Variants in RPS6KA2 observed in about 807,000 individuals in gnomAD.
RPS6KA2 encodes ribosomal protein S6 kinase A2.
RPS6KA2 carries 42 observed loss-of-function variants against 91.8 expected under a neutral mutation model. That is an observed-to-expected ratio of 0.46 (90% confidence interval 0.36 to 0.59). The LOEUF is 0.59. Among genes scored for constraint, RPS6KA2 ranks in the 20% least tolerant of loss-of-function variants. RPS6KA2 has a pLI of 0.00. For missense variants in RPS6KA2, 798 were observed against 978.5 expected, an observed-to-expected ratio of 0.82 and a Z score of 2.46; for synonymous variants, 414 against 393.6, an observed-to-expected ratio of 1.05 and a Z score of -0.61.
chr6:166,582,276 G>A (rs1014566058), intron 1 of RPS6KA2, among the ~76,000 whole-genome samples: 1 of 152,206 alleles, frequency 6.6e-6, no homozygotes, highest in Non-Finnish European at 1.5e-5. Flanking sequence ...CCGCTGAGCC[G>A]TCCATGGAGA....
chr6:166,635,682 G>T lies in RPS6KA2; in HGVS notation c.124-96898C>A, dbSNP rs563441259. The stretch of plus-strand genomic sequence containing the variant: ...TACCCCAGAAGAGGAGGAAGAGCCC[G>T]GGAGGCTTTGGCAGGAGGATGCCAT... On this transcript the variant is annotated intron_variant, in intron 2 of 21. Coordinates refer to the RPS6KA2 transcript ENST00000503859. This position sits in a 1 kb window ranked among gnomAD's most constrained non-coding sequence, Gnocchi z 4.8. Among the ~76,000 whole-genome samples the T allele has an allele frequency of 2.0e-5, 3 of 152,100 alleles. No individual in the cohort carries two copies. Among genetic ancestry groups the T allele is most frequent in the Non-Finnish European group, 2.9e-5 (2 of 68,012 alleles).
intron 2 of RPS6KA2, among the ~76,000 whole-genome samples, chr6:166,781,772 C>T (rs948554722): frequency 1.2e-4 from 18 of 152,180 alleles, no homozygotes; most frequent in Non-Finnish European, 1.2e-4. Flanking sequence ...AGGAGCCAGG[C>T]AGATGGAGAA....
intron 11 of RPS6KA2, among the ~76,000 whole-genome samples, chr6:166,462,470 T>TG (rs1408809007): frequency 2.0e-5 from 3 of 152,232 alleles, no homozygotes; most frequent in Non-Finnish European, 4.4e-5. Flanking sequence ...AGCCCAGCAC[T>TG]GGTACTGCTG....
At position 166,732,317 on chromosome 6, in the gene RPS6KA2, G is replaced by C. The variant is rs10946182; in HGVS notation, c.123+125883C>G. ...AAGTATGTCTTTCCATTGGGATGAA[G>C]CATTCTCAGAAATATCTCAGAAAAG... On this transcript the variant is annotated intron_variant, in intron 2 of 21. Transcript: ENST00000503859. The surrounding 1 kb of genome is among the most constrained non-coding windows in gnomAD (Gnocchi z 4.0). Among the ~76,000 whole-genome samples, 2,348 of 152,202 alleles carry C rather than the reference G, an allele frequency of 0.015. 54 individuals carry two copies. Among genetic ancestry groups the C allele is most frequent in the East Asian group, 0.099 (510 of 5,158 alleles).
intron 1 of RPS6KA2, among the ~76,000 whole-genome samples, chr6:166,556,193 C>A (rs1784172514): frequency 6.6e-6 from 1 of 152,196 alleles, no homozygotes; most frequent in African/African-American, 2.4e-5. Context: ...TCAGGTGGCT[C>A]TCTCCTGTGC....
intron 1 of RPS6KA2, among the ~76,000 whole-genome samples, chr6:166,569,783 C>A (rs901669930): frequency 5.3e-5 from 8 of 152,194 alleles, no homozygotes; most frequent in African/African-American, 1.2e-4. Flanking sequence ...TCAAAGGACA[C>A]CCCCCTCGGG....
At chr6:166,798,742 T>C (rs1779286775) in intron 2 of RPS6KA2, among the ~76,000 whole-genome samples, 1 of 152,240 alleles carries the variant, frequency 6.6e-6, no homozygotes, top group African/African-American at 2.4e-5. Flanking sequence ...GGCCAATCCC[T>C]TTCCCAGACC....
intron 17 of RPS6KA2, among the ~76,000 whole-genome samples, chr6:166,420,262 T>C (rs1371987036): frequency 6.6e-6 from 1 of 152,208 alleles, no homozygotes; most frequent in South Asian, 2.1e-4. Context: ...ATGTATGACA[T>C]AAAATTGACC....
rs565322578 is a variant in RPS6KA2, at chr6:166,745,300, T to C, written c.123+112900A>G. Among the ~76,000 whole-genome samples the C allele has an allele frequency of 3.2e-3, 483 of 152,174 alleles. 3 individuals carry two copies. The highest frequency in any genetic ancestry group is 0.019 in the South Asian group (92 of 4,818). On this transcript the variant is annotated intron_variant, in intron 2 of 21. Coordinates refer to the RPS6KA2 transcript ENST00000503859. ...CTGAGTAGCTGGGATTTCAGGTGTG[T>C]GCCACCATGCCTGGCTAATTTTTGT...
chr6:166,775,664 G>A (rs544413862), intron 2 of RPS6KA2, among the ~76,000 whole-genome samples: 14 of 152,216 alleles, frequency 9.2e-5, no homozygotes, highest in Admixed American at 7.2e-4. Flanking sequence ...GCTACCTGAG[G>A]CTGCAGCATC....
Position 166,852,899 on chromosome 6 carries a change from A to T in RPS6KA2, c.123+5301T>A, listed in dbSNP as rs191327406. 1.5e-3 allele frequency among the ~76,000 whole-genome samples: 224 copies of T among 152,224 alleles called. 1 individual carries two copies. Among genetic ancestry groups the T allele is most frequent in the African/African-American group, 5.2e-3 (218 of 41,542 alleles). ...GATCCCCGTGTGGCTGTGTCCTGCC[A>T]ACTGATGGTGACAGCAGGAAATGCA... On this transcript the variant is annotated intron_variant, in intron 2 of 21. Coordinates refer to the RPS6KA2 transcript ENST00000503859. The surrounding 1 kb of genome is among the most constrained non-coding windows in gnomAD (Gnocchi z 4.1).
chr6:166,482,985 T>C (rs1372480445), intron 10 of RPS6KA2, among the ~76,000 whole-genome samples: 18 of 152,236 alleles, frequency 1.2e-4, no homozygotes. Flanking sequence ...GCCTTGACCT[T>C]CAACAGGGAG....
intron 1 of RPS6KA2, among the ~76,000 whole-genome samples, chr6:166,590,922 A>G (rs1785336386): frequency 2.0e-5 from 3 of 152,200 alleles, no homozygotes; most frequent in African/African-American, 7.2e-5. Flanking sequence ...CAACCCACAC[A>G]AACCTTTGCA....
intron 1 of RPS6KA2, among the ~76,000 whole-genome samples, chr6:166,587,666 T>TTATATATA (rs1554232139): frequency 5.0e-4 from 74 of 149,004 alleles, no homozygotes; most frequent in African/African-American, 1.8e-3. Context: ...AAAATAAATA[T>TTATATATA]TATATATATA....
At chr6:166,638,455 T>C (rs938363899) in intron 2 of RPS6KA2, among the ~76,000 whole-genome samples, 7 of 152,212 alleles carry the variant, frequency 4.6e-5, no homozygotes, top group Non-Finnish European at 1.0e-4. Flanking sequence ...ACAACGTCGC[T>C]CTTGAAATGG....
At position 166,783,821 on chromosome 6, in the gene RPS6KA2, C is replaced by A. The variant is rs925285471; in HGVS notation, c.123+74379G>T. 4.4e-4 allele frequency among the ~76,000 whole-genome samples: 38 copies of A among 86,468 alleles called. 6 individuals carry two copies. Among genetic ancestry groups the A allele is most frequent in the African/African-American group, 1.2e-3 (35 of 28,766 alleles). The allele number at this position is 86,468 out of a possible 152,430, so 56.7% of individuals were successfully genotyped here. A position where few individuals can be genotyped will look rare whatever the true frequency, so the allele number is the denominator to read the frequency against. ...ACACGTGCACAGTTACCTGTAACCA[C>A]ATATGCACACGTGCACACCTATCTA... On this transcript the variant is annotated intron_variant, in intron 2 of 21. Coordinates refer to the RPS6KA2 transcript ENST00000503859.
intron 2 of RPS6KA2, among the ~76,000 whole-genome samples, chr6:166,822,412 G>A (rs2128623590): frequency 6.6e-6 from 1 of 152,360 alleles, no homozygotes; most frequent in South Asian, 2.1e-4. Flanking sequence ...AACCAGGTGA[G>A]GACGCAGCAA....
chr6:166,844,309 C>T (rs1780557383), intron 2 of RPS6KA2, among the ~76,000 whole-genome samples: 1 of 152,084 alleles, frequency 6.6e-6, no homozygotes, highest in Admixed American at 6.5e-5. Context: ...ATTGGTGTTC[C>T]CGAGAAAGAA....
chr6:166,455,598 C>G (rs965052601), intron 12 of RPS6KA2, among the ~76,000 whole-genome samples: 1 of 152,190 alleles, frequency 6.6e-6, no homozygotes. Flanking sequence ...AGCGAAGCGT[C>G]GTTAAAAAAC....
Sources: allele counts gnomAD v4.1 joint callset (sites outside exome capture counted in the v4.1 genomes callset), GRCh38; gene constraint gnomAD v4.1.1; non-coding constraint Gnocchi (gnomAD v3.1); transcripts MANE v1.5; gene names NCBI Gene and HGNC (gene_info 2026-07-23, HGNC 2026-07-21).